Variants in KLF7 observed in about 807,000 individuals in gnomAD.
KLF7 encodes the protein Krueppel-like factor 7.
Under a neutral mutation model 27.3 loss-of-function variants are expected in KLF7, and 2 were observed. The observed-to-expected ratio is 0.07, with a 90% CI of 0.03 to 0.23. KLF7 has a LOEUF of 0.23. Ranked by LOEUF, KLF7 falls within the 10% of genes least tolerant of loss-of-function variation. The pLI is 1.00. For missense variants in KLF7, 221 were observed against 394.1 expected, an observed-to-expected ratio of 0.56 and a Z score of 3.72; for synonymous variants, 165 against 162.4, an observed-to-expected ratio of 1.02 and a Z score of -0.12.
intron 2 of KLF7, among the ~76,000 whole-genome samples, chr2:207,120,614 A>C (rs1345393776): frequency 6.6e-6 from 1 of 152,198 alleles, no homozygotes; most frequent in Non-Finnish European, 1.5e-5. Context: ...GACTGAATTA[A>C]AGTGAGTCCT....
intron 2 of KLF7, among the ~76,000 whole-genome samples, chr2:207,116,998 T>TGTAC (rs1025949158): frequency 6.6e-6 from 1 of 152,192 alleles, no homozygotes; most frequent in Admixed American, 6.5e-5. Context: ...GACTAGTGTA[T>TGTAC]GTACAGTGGG....
At chr2:207,127,659 T>C (rs999254865) in intron 1 of KLF7, among the ~76,000 whole-genome samples, 1 of 152,022 alleles carries the variant, frequency 6.6e-6, no homozygotes, top group Non-Finnish European at 1.5e-5. Context: ...CTGGCCAATA[T>C]GATGAAACCC....
At chr2:207,147,878 A>C (rs2078140150) in intron 1 of KLF7, among the ~76,000 whole-genome samples, 1 of 152,206 alleles carries the variant, frequency 6.6e-6, no homozygotes, top group Non-Finnish European at 1.5e-5. Context: ...CCAGTTCTTG[A>C]AATGTTTTAG....
At chr2:207,119,280 T>C (rs564589348) in intron 2 of KLF7, among the ~76,000 whole-genome samples, 1 of 152,358 alleles carries the variant, frequency 6.6e-6, no homozygotes, top group East Asian at 1.9e-4. Context: ...AATGTGGACG[T>C]ACCTTTATAT....
At chr2:207,140,130 G>A (rs1355048431) in intron 1 of KLF7, among the ~76,000 whole-genome samples, 2 of 152,018 alleles carry the variant, frequency 1.3e-5, no homozygotes, top group African/African-American at 4.8e-5. Context: ...CTCGTGGTCC[G>A]CCCACCTCGG....
Position 207,079,541 on chromosome 2 carries a change from T to A in KLF7, c.*1672A>T, listed in dbSNP as rs1361427023. The A allele has an allele frequency of 6.6e-6, 1 of 152,256 alleles. No individual in the cohort carries two copies. The highest frequency in any genetic ancestry group is 2.4e-5 in the African/African-American group (1 of 41,458). 9.4% of individuals were successfully genotyped at this position (152,256 alleles called of 1,614,324 possible). ...CTAATAACCACCCCGCTTGCTTGCA[T>A]AGGCCATTTGATGGTCCTAAAGGCA... On this transcript the variant is annotated 3_prime_UTR_variant, in exon 4 of 4. Transcript: ENST00000309446.
chr2:207,135,965 C>A (rs1170972493), intron 1 of KLF7, among the ~76,000 whole-genome samples: 1 of 152,168 alleles, frequency 6.6e-6, no homozygotes, highest in Non-Finnish European at 1.5e-5. Flanking sequence ...ATGCCCTCTC[C>A]CTCTGCCACT....
intron 1 of KLF7, among the ~76,000 whole-genome samples, chr2:207,136,655 A>C (rs2077797792): frequency 6.6e-6 from 1 of 152,198 alleles, no homozygotes; most frequent in Non-Finnish European, 1.5e-5. Flanking sequence ...TTAACATAGA[A>C]GTTTCAGGAG....
At chr2:207,133,977 C>T in intron 1 of KLF7, 1 of 928,322 alleles carries the variant, frequency 1.1e-6, no homozygotes, top group Non-Finnish European at 1.6e-6. Flanking sequence ...TGTTTTACAG[C>T]CCGCTCTTAT....
At chr2:207,171,307 A>G (rs1203684499), upstream of KLF7, among the ~76,000 whole-genome samples, 1 of 152,126 alleles carries the variant, frequency 6.6e-6, no homozygotes, top group African/African-American at 2.4e-5. Context: ...ATTAGCAAAG[A>G]AAGTTCTTTT....
chr2:207,164,686 T>C (rs1355302055), intron 1 of KLF7, among the ~76,000 whole-genome samples: 2 of 152,168 alleles, frequency 1.3e-5, no homozygotes, highest in Non-Finnish European at 2.9e-5. Context: ...TAACTAGTCC[T>C]CTAAGACAAA....
intron 1 of KLF7, among the ~76,000 whole-genome samples, chr2:207,158,177 C>A (rs1375123028): frequency 6.6e-6 from 1 of 152,098 alleles, no homozygotes; most frequent in Non-Finnish European, 1.5e-5. Context: ...TGGGAGAGAA[C>A]TTTCACCATC....
intron 3 of KLF7, among the ~76,000 whole-genome samples, chr2:207,083,811 T>C (rs1467622797): frequency 1.3e-5 from 2 of 152,158 alleles, no homozygotes; most frequent in Admixed American, 6.5e-5. Context: ...AAGGAATTGA[T>C]AGAACCAGAG....
Position 207,165,574 on chromosome 2 carries a change from T to A in KLF7, c.-6A>T, listed in dbSNP as rs1411099635. On this transcript the variant is annotated 5_prime_UTR_variant, in exon 1 of 4. Transcript: ENST00000309446. ...TAACTAGCCAACACGTCCATGCTGC[T>A]GCTGCCGGGCAAAACGGGAGGCGAA... is the stretch of plus-strand genomic sequence containing the variant. 6.2e-7 allele frequency: 1 copy of A among 1,613,382 alleles called. No individual in the cohort carries two copies. The highest frequency in any genetic ancestry group is 1.1e-5 in the South Asian group (1 of 91,046).
intron 2 of KLF7, among the ~76,000 whole-genome samples, chr2:207,097,345 T>G (rs1234244145): frequency 1.3e-5 from 2 of 152,094 alleles, no homozygotes; most frequent in Non-Finnish European, 2.9e-5. Flanking sequence ...AGTTACAAAG[T>G]CCCAAATGAA....
upstream of KLF7, among the ~76,000 whole-genome samples, chr2:207,168,858 A>G (rs930513942): frequency 2.6e-5 from 4 of 152,262 alleles, no homozygotes; most frequent in African/African-American, 9.6e-5. Context: ...CAAGGTATCC[A>G]GATGTACAAA....
At position 207,123,656 on chromosome 2, in the gene KLF7, G is replaced by C. The variant is rs73983182; in HGVS notation, c.733+118C>G. On this transcript the variant is annotated intron_variant, in intron 2 of 3. Transcript: ENST00000309446. ...TGTCCCTACCTGGGGCCTCCCGCCT[G>C]TCTATCACCTCCTCATCAGCAGGGG... The C allele has an allele frequency of 0.01, 11,864 of 1,145,252 alleles. 908 individuals are homozygous for C. In the African/African-American group the frequency reaches 0.16, roughly 16 times the overall value. 70.9% of individuals were successfully genotyped at this position (1,145,252 alleles called of 1,614,324 possible). A position where few individuals can be genotyped will look rare whatever the true frequency, so the allele number is the denominator to read the frequency against.
intron 1 of KLF7, among the ~76,000 whole-genome samples, chr2:207,141,673 A>G (rs1254453968): frequency 6.6e-6 from 1 of 152,124 alleles, no homozygotes; most frequent in East Asian, 1.9e-4. Flanking sequence ...AATGTTGGCA[A>G]TGAGTATTAA....
At chr2:207,155,899 A>G (rs1225980712) in intron 1 of KLF7, among the ~76,000 whole-genome samples, 1 of 152,142 alleles carries the variant, frequency 6.6e-6, no homozygotes, top group Non-Finnish European at 1.5e-5. Context: ...TGCTGAGCAA[A>G]TTTGCCGCCT....
Sources: gnomAD v4.1 joint callset for allele counts (sites outside exome capture counted in the v4.1 genomes callset) on GRCh38, gnomAD v4.1.1 for gene constraint, MANE v1.5 for transcripts, NCBI Gene and HGNC (gene_info 2026-07-23, HGNC 2026-07-21) for gene names.